Variants in VANGL2 observed in about 807,000 individuals in gnomAD.
The protein encoded by VANGL2 is vang-like protein 2.
In VANGL2, 14 loss-of-function variants were observed where a neutral mutation model predicts 50.2. The ratio of observed to expected loss-of-function variants is 0.28; its 90% CI spans 0.18 to 0.44. The LOEUF (loss-of-function observed/expected upper bound fraction) is 0.44, where lower values mean the gene tolerates loss of function less well. Ranked by LOEUF, VANGL2 falls within the 20% of genes least tolerant of loss-of-function variation. The probability of loss-of-function intolerance (pLI) is 1.00; values close to 1 mark genes in which losing one functional copy is unlikely to be tolerated. For synonymous variants in VANGL2, 295 were observed against 297.2 expected (o/e 0.99, Z 0.08); for missense variants, 533 against 701.5 (o/e 0.76, Z 2.71).
intron 1 of VANGL2, among the ~76,000 whole-genome samples, chr1:160,415,241 C>T (rs2101959801): frequency 6.6e-6 from 1 of 152,320 alleles, no homozygotes. Flanking sequence ...CAGAAGCCCG[C>T]TCCTTTCTGC....
At chr1:160,408,497 C>G (rs1370136108) in intron 1 of VANGL2, among the ~76,000 whole-genome samples, 1 of 152,124 alleles carries the variant, frequency 6.6e-6, no homozygotes, top group Admixed American at 6.5e-5. Flanking sequence ...GCACCCTGCA[C>G]TGGGGTCTGC....
chr1:160,406,231 C>T (rs957282140), intron 1 of VANGL2, among the ~76,000 whole-genome samples: 1 of 152,186 alleles, frequency 6.6e-6, no homozygotes, highest in African/African-American at 2.4e-5. Flanking sequence ...TCTTCCTTTT[C>T]CCAAAGTCTC....
At chr1:160,418,471 A>T (rs1408230334) in intron 3 of VANGL2, among the ~76,000 whole-genome samples, 1 of 148,752 alleles carries the variant, frequency 6.7e-6, no homozygotes, top group African/African-American at 2.5e-5. Context: ...TTTTTTTTTT[A>T]AAGGTTCACA....
intron 6 of VANGL2, among the ~76,000 whole-genome samples, chr1:160,423,147 C>T (rs913575058): frequency 1.3e-5 from 2 of 152,156 alleles, no homozygotes; most frequent in African/African-American, 2.4e-5. Context: ...CTCAGGTGAT[C>T]CACCTGTCTC....
At chr1:160,420,856 GC>G (rs1557911672) in intron 5 of VANGL2, among the ~76,000 whole-genome samples, 195 bp from the exon 6 acceptor site, 7 of 152,330 alleles carry the variant, frequency 4.6e-5, no homozygotes. Flanking sequence ...CAGGACTCTT[GC>G]GCTTCCAGTG....
chr1:160,425,425 GGT>G lies in VANGL2; in HGVS notation c.*49_*50del. On this transcript the variant is annotated 3_prime_UTR_variant, in exon 8 of 8. Coordinates refer to ENST00000368061, the MANE Select transcript of VANGL2 (RefSeq NM_020335.3). ...GGGAAACTCTGGGGGGTCCTGAGGGGGTGGGAGGGGGCTTGGTTCTCAGGCCC... is the reference window on the plus strand; with the variant it reads ...GGGAAACTCTGGGGGGTCCTGAGGGGGGGAGGGGGCTTGGTTCTCAGGCCC... 1 of 1,296,702 alleles carries G rather than the reference GGT, an allele frequency of 7.7e-7. No individual in the cohort carries two copies. 80.3% of individuals were successfully genotyped at this position (1,296,702 alleles called of 1,614,324 possible). A position where few individuals can be genotyped will look rare whatever the true frequency, so the allele number is the denominator to read the frequency against.
At chr1:160,413,637 A>T (rs1243797003) in intron 1 of VANGL2, among the ~76,000 whole-genome samples, 1 of 151,984 alleles carries the variant, frequency 6.6e-6, no homozygotes. Context: ...ACACTGTTAA[A>T]TTTCTGGCTG....
At chr1:160,424,863 G>C (rs1651397322) in intron 7 of VANGL2, among the ~76,000 whole-genome samples, 1 of 152,144 alleles carries the variant, frequency 6.6e-6, no homozygotes, top group African/African-American at 2.4e-5. Context: ...CAGCAGATGG[G>C]GGTCAGGGGA....
At chr1:160,409,513 G>C (rs1225482086) in intron 1 of VANGL2, among the ~76,000 whole-genome samples, 3 of 152,150 alleles carry the variant, frequency 2.0e-5, no homozygotes, top group African/African-American at 7.2e-5. Flanking sequence ...CAGAGGTTCA[G>C]GTACCTTCCT....
In VANGL2 at chr1:160,420,288, C is replaced by T. The variant is rs528128413; in HGVS notation, c.801-123C>T. On this transcript the variant is annotated intron_variant, in intron 4 of 7. Coordinates refer to ENST00000368061, the MANE Select transcript of VANGL2 (RefSeq NM_020335.3). The stretch of plus-strand genomic sequence containing the variant: ...ACCTCAGGCCCGGAGTCAGGCTTCT[C>T]GGAAGCAGCTTGTCCCTGTCCTGTG... 4.3e-5 allele frequency: 58 copies of T among 1,338,646 alleles called. No homozygotes were observed. In the Middle Eastern group the frequency reaches 6.9e-4, roughly 16 times the overall value. 82.9% of individuals were successfully genotyped at this position (1,338,646 alleles called of 1,614,324 possible). A position where few individuals can be genotyped will look rare whatever the true frequency, so the allele number is the denominator to read the frequency against.
chr1:160,410,582 C>T (rs767405837), intron 1 of VANGL2, among the ~76,000 whole-genome samples: 20 of 152,102 alleles, frequency 1.3e-4, no homozygotes, highest in African/African-American at 4.3e-4. Context: ...TTGTGTTCAA[C>T]GCCTTGCCCA....
At chr1:160,410,510 C>G (rs1017142221) in intron 1 of VANGL2, among the ~76,000 whole-genome samples, 1 of 152,128 alleles carries the variant, frequency 6.6e-6, no homozygotes, top group African/African-American at 2.4e-5. Context: ...GAGGTGGCGT[C>G]TGGAGCTGCC....
At chr1:160,408,758 G>C (rs570969554) in intron 1 of VANGL2, among the ~76,000 whole-genome samples, 4 of 152,326 alleles carry the variant, frequency 2.6e-5, no homozygotes, top group African/African-American at 9.6e-5. Context: ...CCAAGATACA[G>C]CTGTTCTCTC....
intron 6 of VANGL2, among the ~76,000 whole-genome samples, chr1:160,422,959 G>A (rs898330403): frequency 6.6e-6 from 1 of 151,128 alleles, no homozygotes; most frequent in Non-Finnish European, 1.5e-5. Flanking sequence ...AGGCTGGAGT[G>A]CAGTGGCATG....
At chr1:160,410,707 C>T (rs1028476606) in intron 1 of VANGL2, among the ~76,000 whole-genome samples, 4 of 152,056 alleles carry the variant, frequency 2.6e-5, no homozygotes, top group Non-Finnish European at 4.4e-5. Flanking sequence ...CACGCACGCA[C>T]GCACGCACTA....
chr1:160,420,928 G>C (rs1274093843), intron 5 of VANGL2, 124 bp from the exon 6 acceptor site: 4 of 1,410,666 alleles, frequency 2.8e-6, no homozygotes, highest in Non-Finnish European at 3.9e-6. Context: ...GGGATTAGGA[G>C]GTATTGCTGG....
At chr1:160,420,052 C>T (rs138035757) in intron 4 of VANGL2, among the ~76,000 whole-genome samples, 14 of 152,174 alleles carry the variant, frequency 9.2e-5, no homozygotes, top group African/African-American at 2.9e-4. Context: ...AGTTCTTCAG[C>T]TCCCAGTAAA....
In VANGL2 at chr1:160,409,671, G is replaced by A. The variant is rs531582995; in HGVS notation, c.-190-5977G>A. On this transcript the variant is annotated intron_variant, in intron 1 of 7. Transcript: ENST00000368061. ...TGTGACAAGGAGGAAAACCAAGCAA[G>A]GCTCTGAAGTGCGACAGCTGTGTCT... Among the ~76,000 whole-genome samples the A allele has an allele frequency of 3.9e-5, 6 of 152,326 alleles. No individual in the cohort carries two copies. The South Asian group carries it at 8.3e-4, about 21-fold the overall frequency.
intron 1 of VANGL2, among the ~76,000 whole-genome samples, chr1:160,408,887 C>G (rs998050673): frequency 6.6e-6 from 1 of 152,252 alleles, no homozygotes; most frequent in African/African-American, 2.4e-5. Context: ...CTTGCCCACT[C>G]TGTACCTTAG....
Sources: allele counts gnomAD v4.1 joint callset (sites outside exome capture counted in the v4.1 genomes callset), GRCh38; gene constraint gnomAD v4.1.1; transcripts MANE v1.5; gene names NCBI Gene and HGNC (gene_info 2026-07-23, HGNC 2026-07-21).